AGXT: variants seen among roughly 807,000 people sequenced by gnomAD.
AGXT encodes the protein L-alanine: glyoxylate aminotransferase 1.
In AGXT, 41 loss-of-function variants were observed where a neutral mutation model predicts 46.9. The ratio of observed to expected loss-of-function variants is 0.88; its 90% CI spans 0.68 to 1.14. The LOEUF is 1.14. Ranked by LOEUF, AGXT falls within the 50% of genes most tolerant of loss-of-function variation. The probability of loss-of-function intolerance (pLI) is 0.00; values close to 1 mark genes in which losing one functional copy is unlikely to be tolerated. For synonymous variants in AGXT, 244 were observed against 227.9 expected (o/e 1.07, Z -0.64); for missense variants, 525 against 522.7 (o/e 1.00, Z -0.04).
At chr2:240,877,808 C>A (rs1490374875) in intron 9 of AGXT, among the ~76,000 whole-genome samples, 176 bp downstream of exon 9, 1 of 152,200 alleles carries the variant, frequency 6.6e-6, no homozygotes, top group East Asian at 1.9e-4. Context: ...CAGCTCCCGG[C>A]CTCTGATGCG....
Position 240,871,405 on chromosome 2 carries a change from C to T in AGXT, c.480C>T (p.Thr160=), listed in dbSNP as rs773166371. The T allele has an allele frequency of 1.2e-4, 191 of 1,600,390 alleles. No homozygotes were observed. Among genetic ancestry groups the T allele is most frequent in the Non-Finnish European group, 1.5e-4 (182 of 1,174,252 alleles). The change falls in exon 4 of 11, where the codon ACC becomes ACT. Residue 160 remains threonine (T), a synonymous_variant. Coordinates refer to ENST00000307503, the MANE Select transcript of AGXT (RefSeq NM_000030.3). ...TCTTAACCCACGGGGAGTCGTCCAC[C>T]GGCGTGCTGCAGCCCCTTGATGGCT... is the stretch of plus-strand genomic sequence containing the variant. ...LLFLTHGESS[T]GVLQPLDGFG...
chr2:240,874,244 C>T (rs970306538), intron 6 of AGXT, among the ~76,000 whole-genome samples, 182 bp downstream of exon 6: 3 of 152,194 alleles, frequency 2.0e-5, no homozygotes, highest in African/African-American at 4.8e-5. Flanking sequence ...GTGGGGAGGC[C>T]GGGCGAGGGG....
chr2:240,872,630 A>G (rs1317242860), intron 4 of AGXT, among the ~76,000 whole-genome samples: 1 of 152,062 alleles, frequency 6.6e-6, no homozygotes, highest in East Asian at 1.9e-4. Flanking sequence ...CCTGGGGTCC[A>G]CACAGGCCCT....
In AGXT at chr2:240,869,319, T is replaced by C; in HGVS notation, c.315T>C (p.Asn105=). The C allele has an allele frequency of 6.2e-7, 1 of 1,611,096 alleles. No individual in the cohort carries two copies. Among genetic ancestry groups the C allele is most frequent in the Non-Finnish European group, 8.5e-7 (1 of 1,178,182 alleles). Residue 105 remains asparagine, a synonymous_variant, in exon 2 of 11, where the codon AAT becomes AAC. Coordinates refer to ENST00000307503, the MANE Select transcript of AGXT (RefSeq NM_000030.3). ...GGGACTCCTTCCTGGTTGGGGCCAA[T>C]GGCATTTGGGGGCAGCGAGCCGTGG... The part of the protein sequence containing the change: ...EPGDSFLVGA[N]GIWGQRAVDI...
chr2:240,876,146 G>A (rs1388889133), intron 8 of AGXT, 142 bp downstream of exon 8: 1 of 1,037,222 alleles, frequency 9.6e-7, no homozygotes, highest in Non-Finnish European at 1.5e-6. Context: ...GTGGGGGAGA[G>A]AGGACAGGGC....
Position 240,870,659 on chromosome 2 carries a change from C to A in AGXT, c.374C>A (p.Pro125Gln). ...CTGCACCCAGGAGCCCGAGTGCACC[C>A]GATGACCAAGGACCCTGGAGGCCAC... The part of the protein sequence containing the change: ...IGERIGARVH[P>Q]MTKDPGGHYT... The change falls in exon 3 of 11, where the codon CCG (proline) becomes CAG (glutamine). Residue 125 changes from proline (P) to glutamine (Q), a missense_variant. By Grantham distance (76) the Pro-to-Gln change is moderately conservative (BLOSUM62 -1). Transcript: ENST00000307503. 1 of 1,554,106 alleles carries A rather than the reference C, an allele frequency of 6.4e-7. No homozygotes were observed. The highest frequency in any genetic ancestry group is 2.4e-5 in the East Asian group (1 of 41,362).
intron 6 of AGXT, among the ~76,000 whole-genome samples, chr2:240,874,466 C>T (rs974357258): frequency 6.6e-6 from 1 of 152,206 alleles, no homozygotes; most frequent in Non-Finnish European, 1.5e-5. Flanking sequence ...CTCCTGGTGT[C>T]CAGATTCTGA....
In AGXT at chr2:240,878,061, G is replaced by T. The variant is rs200819267; in HGVS notation, c.982G>T (p.Ala328Ser). Residue 328 changes from alanine to serine, a missense_variant, in exon 10 of 11, where the codon GCT becomes TCT. By Grantham distance (99) the Ala-to-Ser change is moderately conservative. Coordinates refer to ENST00000307503, the MANE Select transcript of AGXT (RefSeq NM_000030.3). ...LPTVTTVAVP[A>S]GYDWRDIVSY... ...CACAGTCACCACTGTGGCTGTACCC[G>T]CTGGCTATGACTGGAGAGACATCGT... is the stretch of plus-strand genomic sequence containing the variant. The T allele has an allele frequency of 3.1e-6, 5 of 1,612,888 alleles. No individual in the cohort carries two copies. Among genetic ancestry groups the T allele is most frequent in the African/African-American group, 2.7e-5 (2 of 74,934 alleles).
At chr2:240,870,812 C>T (rs1411180052) in intron 3 of AGXT, 104 bp downstream of exon 3, 29 of 1,180,328 alleles carry the variant, frequency 2.5e-5, no homozygotes, top group Admixed American at 6.1e-5. Context: ...GGATCATGGC[C>T]GGGAGGCTGG....
At chr2:240,870,561 C>T in intron 2 of AGXT, 83 bp from the exon 3 acceptor site, 1 of 1,508,980 alleles carries the variant, frequency 6.6e-7, no homozygotes, top group South Asian at 1.2e-5. Flanking sequence ...TCACAGGGCC[C>T]TGCTCAGCAG....
At chr2:240,878,572 C>A in intron 10 of AGXT, 142 bp from the exon 11 acceptor site, 1 of 792,636 alleles carries the variant, frequency 1.3e-6, no homozygotes, top group Non-Finnish European at 2.1e-6. Context: ...CTGTGACCTG[C>A]ACAGGGCTGT....
At chr2:240,876,392 C>CT (rs748463607) in intron 8 of AGXT, among the ~76,000 whole-genome samples, 2 of 152,212 alleles carry the variant, frequency 1.3e-5, no homozygotes, top group Non-Finnish European at 2.9e-5. Flanking sequence ...TGTCCAGCTC[C>CT]TATGGCAGGG....
In AGXT at chr2:240,868,939, T is replaced by G. The variant is rs180177262; in HGVS notation, c.74T>G (p.Leu25Arg). 1 of 1,613,240 alleles carries G rather than the reference T, an allele frequency of 6.2e-7. No homozygotes were observed. Among genetic ancestry groups the G allele is most frequent in the Non-Finnish European group, 8.5e-7 (1 of 1,179,984 alleles). The change falls in exon 1 of 11, where the codon CTG (leucine) becomes CGG (arginine). Residue 25 changes from leucine (L) to arginine (R), a missense_variant. By Grantham distance (102) the Leu-to-Arg change is moderately radical (BLOSUM62 -2). Coordinates refer to ENST00000307503, the MANE Select transcript of AGXT (RefSeq NM_000030.3). ...LKPLSIPNQL[L>R]LGPGPSNLPP... ...CCCCTCTCCATCCCCAACCAGCTCCTGCTGGGGCCTGGTCCTTCCAACCTG... is the reference window on the plus strand; with the variant it reads ...CCCCTCTCCATCCCCAACCAGCTCCGGCTGGGGCCTGGTCCTTCCAACCTG...
rs188699057 is a variant in AGXT, at chr2:240,877,770, A to C, written c.942+138A>C. The C allele has an allele frequency of 4.1e-4, 433 of 1,065,490 alleles. 5 individuals are homozygous for C. In the East Asian group the frequency reaches 0.011, roughly 26 times the overall value. 66.0% of individuals were successfully genotyped at this position (1,065,490 alleles called of 1,614,324 possible). A position where few individuals can be genotyped will look rare whatever the true frequency, so the allele number is the denominator to read the frequency against. ...CGGTGGTGTGGCCTCGGTGCCAGGGATTAGTCTCGGCAGGAGCCACGAAGT... is the reference window on the plus strand; with the variant it reads ...CGGTGGTGTGGCCTCGGTGCCAGGGCTTAGTCTCGGCAGGAGCCACGAAGT... On this transcript the variant is annotated intron_variant, in intron 9 of 10. Transcript: ENST00000307503.
At chr2:240,873,579 C>A (rs1324928396) in intron 5 of AGXT, 12 of 300,644 alleles carry the variant, frequency 4.0e-5, no homozygotes, top group Non-Finnish European at 5.6e-5. Context: ...GCCTGCCCAC[C>A]CACTCCATGG....
intron 4 of AGXT, among the ~76,000 whole-genome samples, chr2:240,872,210 G>T (rs2058994485): frequency 6.6e-6 from 1 of 151,004 alleles, no homozygotes. Flanking sequence ...AGGCGGAGGA[G>T]GGTGAGAGTT....
At chr2:240,871,531 C>A in intron 4 of AGXT, 82 bp downstream of exon 4, 1 of 1,302,076 alleles carries the variant, frequency 7.7e-7, no homozygotes, top group Non-Finnish European at 1.1e-6. Flanking sequence ...TCCCTCTGGT[C>A]CTTCTGCCCC....
intron 4 of AGXT, 114 bp from the exon 5 acceptor site, chr2:240,872,865 G>A (rs1559569435): frequency 5.5e-6 from 5 of 908,388 alleles, no homozygotes; most frequent in African/African-American, 1.6e-5. Context: ...GGTGGGAGGT[G>A]CCCTGCCTTC....
chr2:240,872,053 C>T (rs2058993598), intron 4 of AGXT, among the ~76,000 whole-genome samples: 1 of 152,256 alleles, frequency 6.6e-6, no homozygotes, highest in South Asian at 2.1e-4. Context: ...ACCTGGCCAG[C>T]TTCAGCAACA....
Sources: allele counts gnomAD v4.1 joint callset (sites outside exome capture counted in the v4.1 genomes callset), GRCh38; gene constraint gnomAD v4.1.1; transcripts MANE v1.5; gene names NCBI Gene and HGNC (gene_info 2026-07-23, HGNC 2026-07-21).